Variants in MPPED1 observed in about 807,000 individuals in gnomAD.
MPPED1 encodes the protein metallophosphoesterase domain containing 1, also known as metallophosphoesterase domain-containing protein 1.
MPPED1 carries 16 observed loss-of-function variants against 36.2 expected under a neutral mutation model. The observed-to-expected ratio is 0.44, with a 90% CI of 0.30 to 0.67. The LOEUF is 0.67. Ranked by LOEUF, MPPED1 falls within the 30% of genes least tolerant of loss-of-function variation. The pLI, the probability that MPPED1 is intolerant of heterozygous loss-of-function variation, is 0.10. For missense variants in MPPED1, 307 were observed against 453.4 expected (o/e 0.68, Z 2.93); for synonymous variants, 199 against 191.3 (o/e 1.04, Z -0.33).
chr22:43,433,753 A>G (rs565336558), intron 2 of MPPED1, among the ~76,000 whole-genome samples: 1 of 71,792 alleles, frequency 1.4e-5, no homozygotes, highest in Non-Finnish European at 3.3e-5. Context: ...TTCGAAGTAT[A>G]TTGTCTGAAA....
intron 4 of MPPED1, among the ~76,000 whole-genome samples, chr22:43,475,239 A>T (rs1931507159): frequency 6.6e-6 from 1 of 152,054 alleles, no homozygotes. Context: ...TCCATTTTAC[A>T]GGTGAGGAAA....
chr22:43,452,960 C>T (rs1224165503), intron 3 of MPPED1, among the ~76,000 whole-genome samples: 3 of 144,378 alleles, frequency 2.1e-5, no homozygotes, highest in Non-Finnish European at 4.5e-5. Flanking sequence ...TTTAGTCTTA[C>T]TTTTTTTTTT....
At chr22:43,469,372 AC>A (rs778306504) in intron 3 of MPPED1, among the ~76,000 whole-genome samples, 14 of 112,916 alleles carry the variant, frequency 1.2e-4, no homozygotes, top group Non-Finnish European at 2.3e-4. Flanking sequence ...TCCCCAAAAC[AC>A]TCCCCTCATT....
intron 2 of MPPED1, among the ~76,000 whole-genome samples, chr22:43,429,902 G>A (rs1929614205): frequency 6.6e-6 from 1 of 152,198 alleles, no homozygotes; most frequent in Non-Finnish European, 1.5e-5. Flanking sequence ...AGCAAGAGCA[G>A]AGGCCAGGAT....
At chr22:43,451,365 C>G (rs919133911) in intron 3 of MPPED1, among the ~76,000 whole-genome samples, 1 of 152,140 alleles carries the variant, frequency 6.6e-6, no homozygotes, top group Admixed American at 6.6e-5. Context: ...TTTTTAAAAT[C>G]GTGCATTTAA....
intron 2 of MPPED1, among the ~76,000 whole-genome samples, chr22:43,425,717 T>C (rs1929445018): frequency 6.6e-6 from 1 of 152,256 alleles, no homozygotes; most frequent in South Asian, 2.1e-4. Flanking sequence ...GACACCAGTC[T>C]TGGGCTCTTT....
At chr22:43,468,001 T>C (rs567091828) in intron 3 of MPPED1, among the ~76,000 whole-genome samples, 2 of 152,292 alleles carry the variant, frequency 1.3e-5, no homozygotes, top group African/African-American at 4.8e-5. Context: ...AAGCAGAGAC[T>C]TCCATGCACA....
chr22:43,468,649 G>C (rs138404028), intron 3 of MPPED1, among the ~76,000 whole-genome samples: 77 of 152,266 alleles, frequency 5.1e-4, no homozygotes, highest in African/African-American at 1.8e-3. Flanking sequence ...CATGGATTAG[G>C]AGAGCTACAG....
chr22:43,465,933 C>T (rs535029887), intron 3 of MPPED1, among the ~76,000 whole-genome samples: 6 of 152,140 alleles, frequency 3.9e-5, no homozygotes, highest in African/African-American at 9.7e-5. Flanking sequence ...TCTCTGGGCA[C>T]GTGTGTCCTT....
At chr22:43,476,735 G>A (rs527593670) in intron 4 of MPPED1, among the ~76,000 whole-genome samples, 4 of 152,088 alleles carry the variant, frequency 2.6e-5, no homozygotes, top group Non-Finnish European at 5.9e-5. Flanking sequence ...ACAGGGTCTT[G>A]GTGAACCCTC....
chr22:43,449,657 C>A (rs1280130661), intron 3 of MPPED1, among the ~76,000 whole-genome samples: 1 of 152,138 alleles, frequency 6.6e-6, no homozygotes, highest in Non-Finnish European at 1.5e-5. Flanking sequence ...GTGCCGAGGG[C>A]CACACACATG....
At chr22:43,419,992 C>A (rs1280203824) in intron 1 of MPPED1, among the ~76,000 whole-genome samples, 1 of 152,100 alleles carries the variant, frequency 6.6e-6, no homozygotes, top group African/African-American at 2.4e-5. Flanking sequence ...GAAAAGCAAG[C>A]CCTTAGAACC....
At chr22:43,448,153 T>C (rs1930429521) in intron 3 of MPPED1, among the ~76,000 whole-genome samples, 1 of 152,110 alleles carries the variant, frequency 6.6e-6, no homozygotes, top group African/African-American at 2.4e-5. Flanking sequence ...CCTCCCAAAG[T>C]GCTGGGATTA....
chr22:43,425,011 G>A lies in MPPED1; in HGVS notation c.26G>A (p.Ser9Asn), dbSNP rs1326188897. 2 of 1,605,826 alleles carry A rather than the reference G, an allele frequency of 1.2e-6. No homozygotes were observed. Among genetic ancestry groups the A allele is most frequent in the Admixed American group, 1.7e-5 (1 of 59,000 alleles). Residue 9 changes from serine (S) to asparagine (N), a missense_variant, in exon 2 of 7, where the codon AGC becomes AAC. This residue lies in a region of MPPED1 where 169 missense variants were observed against 212.3 expected (regional missense o/e 0.80). Transcript: ENST00000443721. The part of the protein sequence containing the change: MWRSRWDA[S>N]VLKAEALALL... The stretch of plus-strand genomic sequence containing the variant: ...ATGTGGCGCTCTAGGTGGGATGCCA[G>A]CGTCCTGAAGGCGGAGGCCCTGGCC...
chr22:43,444,706 T>C (rs1930275545), intron 3 of MPPED1, among the ~76,000 whole-genome samples: 1 of 152,024 alleles, frequency 6.6e-6, no homozygotes, highest in South Asian at 2.1e-4. Context: ...CCTAAGTATC[T>C]CTGCCTTAAA....
intron 4 of MPPED1, among the ~76,000 whole-genome samples, chr22:43,479,035 G>C (rs1211543121): frequency 2.6e-5 from 4 of 152,188 alleles, no homozygotes; most frequent in African/African-American, 9.7e-5. Flanking sequence ...CGCCGGCCTG[G>C]CTGCTGATCC....
chr22:43,442,652 C>G (rs1930190864), intron 3 of MPPED1, among the ~76,000 whole-genome samples: 1 of 152,188 alleles, frequency 6.6e-6, no homozygotes, highest in African/African-American at 2.4e-5. Context: ...TCTGTCAGGA[C>G]TGGCAGCCTC....
Position 43,444,948 on chromosome 22 carries a change from T to C in MPPED1, c.406+9733T>C, listed in dbSNP as rs532388210. On this transcript the variant is annotated intron_variant, in intron 3 of 6. Transcript: ENST00000443721. Reference sequence around the variant, plus strand: ...TTGATGATAAATTAAAAGCCAGGGTTGAAAAAAAAGTTAGAGTAGCTCAGA... The same window carrying C: ...TTGATGATAAATTAAAAGCCAGGGTCGAAAAAAAAGTTAGAGTAGCTCAGA... 1.4e-4 allele frequency among the ~76,000 whole-genome samples: 22 copies of C among 152,294 alleles called. No homozygotes were observed. The South Asian group carries it at 4.4e-3, about 30-fold the overall frequency.
intron 4 of MPPED1, among the ~76,000 whole-genome samples, chr22:43,491,814 GTGA>G (rs1451345210): frequency 2.7e-5 from 4 of 149,982 alleles, no homozygotes; most frequent in Admixed American, 6.6e-5. Flanking sequence ...GGTGATGGTG[GTGA>G]TGATGGAGGT....
Sources: allele counts gnomAD v4.1 joint callset (sites outside exome capture counted in the v4.1 genomes callset), GRCh38; gene constraint gnomAD v4.1.1; regional missense constraint gnomAD v4.1.1; transcripts MANE v1.5; gene names NCBI Gene and HGNC (gene_info 2026-07-23, HGNC 2026-07-21).